CIB1: variants seen among roughly 807,000 people sequenced by gnomAD.
CIB1 encodes calcium and integrin binding 1.
CIB1 carries 19 observed loss-of-function variants against 25.0 expected under a neutral mutation model. That is an observed-to-expected ratio of 0.76 (90% CI 0.53 to 1.12). The LOEUF (loss-of-function observed/expected upper bound fraction) is 1.12. CIB1 is among the 50% of genes most tolerant of loss of function. The pLI, the probability that CIB1 is intolerant of heterozygous loss-of-function variation, is 0.00. For missense variants in CIB1, 236 were observed against 242.6 expected, an observed-to-expected ratio of 0.97 and a Z score of 0.18; for synonymous variants, 104 against 98.5, an observed-to-expected ratio of 1.06 and a Z score of -0.33.
the CIB1 span, chr15:90,263,901 A>G: frequency 1.5e-6 from 2 of 1,306,418 alleles, no homozygotes; most frequent in South Asian, 2.5e-5. Context: ...GGGCACTGCC[A>G]AGCATGAATG....
the CIB1 span, chr15:90,257,894 C>T: frequency 1.1e-6 from 1 of 938,252 alleles, no homozygotes; most frequent in Non-Finnish European, 1.6e-6. Flanking sequence ...CAAACCTCAC[C>T]CTGATAACTA....
At chr15:90,231,280 C>A in intron 4 of CIB1, 67 bp from the exon 5 acceptor site, 1 of 1,608,080 alleles carries the variant, frequency 6.2e-7, no homozygotes, top group Non-Finnish European at 8.5e-7. Context: ...CCAAACGGCG[C>A]CCATTTCCCA....
the CIB1 span, chr15:90,264,821 A>G: frequency 6.5e-7 from 1 of 1,536,138 alleles, no homozygotes; most frequent in Non-Finnish European, 8.7e-7. Flanking sequence ...GCAACCGGAA[A>G]GAGTGGCATC....
Position 90,232,538 on chromosome 15 carries a change from C to G in CIB1, c.87-211G>C, listed in dbSNP as rs534692208. The G allele has an allele frequency of 3.4e-4, 207 of 617,228 alleles. 1 individual carries two copies. The highest frequency in any genetic ancestry group is 6.9e-4 in the Admixed American group (17 of 24,680). The allele number at this position is 617,228 out of a possible 1,614,324, so 38.2% of individuals were successfully genotyped here. A position where few individuals can be genotyped will look rare whatever the true frequency, so the allele number is the denominator to read the frequency against. Reference sequence around the variant, plus strand: ...ATTCTTGCAATGAGTATTTACTGAGCATTTACTATGTGCTTGGCACTGATT... The same window carrying G: ...ATTCTTGCAATGAGTATTTACTGAGGATTTACTATGTGCTTGGCACTGATT... On this transcript the variant is annotated intron_variant, in intron 2 of 6. Coordinates refer to ENST00000328649, the MANE Select transcript of CIB1 (RefSeq NM_006384.4).
At chr15:90,247,742 C>CTT in the CIB1 span, among the ~76,000 whole-genome samples, 35 of 144,468 alleles carry the variant, frequency 2.4e-4, 2 homozygotes, top group East Asian at 2.4e-3. Context: ...TTTTTGTTTG[C>CTT]TTTTTTTTTT....
At chr15:90,245,349 T>G in the CIB1 span, 8 of 151,986 alleles carry the variant, frequency 5.3e-5, no homozygotes, top group Admixed American at 3.3e-4. Context: ...GGTGCACATC[T>G]ATAGTCCCAG....
chr15:90,262,340 T>C, the CIB1 span: 1 of 1,137,794 alleles, frequency 8.8e-7, no homozygotes, highest in Non-Finnish European at 1.2e-6. Context: ...TCTTTTCAGT[T>C]TAGTAGGTTT....
the CIB1 span, among the ~76,000 whole-genome samples, chr15:90,261,012 G>C: frequency 1.3e-5 from 2 of 151,924 alleles, no homozygotes; most frequent in African/African-American, 4.8e-5. Context: ...TAAGATTATG[G>C]AAGGCTTTAT....
chr15:90,241,158 C>G, the CIB1 span: 1 of 1,614,206 alleles, frequency 6.2e-7, no homozygotes, highest in East Asian at 2.2e-5. Flanking sequence ...ACGGGAGCTA[C>G]AGACCCAAAT....
chr15:90,240,137 C>G, the CIB1 span, among the ~76,000 whole-genome samples: 11 of 150,978 alleles, frequency 7.3e-5, no homozygotes, highest in African/African-American at 2.2e-4. Context: ...GCCAGAGAAT[C>G]GCTTGAACCT....
the CIB1 span, chr15:90,242,118 T>C: frequency 7.0e-7 from 1 of 1,438,100 alleles, no homozygotes; most frequent in African/African-American, 1.4e-5. Flanking sequence ...AGATAGGGTC[T>C]CACTCTGTCC....
upstream of CIB1, chr15:90,234,625 T>C (rs1962592788): frequency 6.6e-6 from 1 of 151,800 alleles, no homozygotes; most frequent in Non-Finnish European, 1.5e-5. Flanking sequence ...AAGATGGAAA[T>C]ACGTAAGTCC....
chr15:90,233,873 C>G lies in CIB1; in HGVS notation c.13G>C (p.Gly5Arg), dbSNP rs780799350. The G allele has an allele frequency of 6.7e-7, 1 of 1,487,834 alleles. No individual in the cohort carries two copies. Among genetic ancestry groups the G allele is most frequent in the Admixed American group, 2.4e-5 (1 of 41,886 alleles). The allele number at this position is 1,487,834 out of a possible 1,614,324, so 92.2% of individuals were successfully genotyped here. ...AGCAGCTCCTTGGACAGGCGACTGC[C>G]CGAGCCCCCCATCGCCCCGCCGCGC... MGGS[G>R]SRLSKELLAE... Residue 5 changes from glycine (G) to arginine (R), a missense_variant, in exon 1 of 7, where the codon GGC (glycine) becomes CGC (arginine). Physicochemically the swap from Gly to Arg is moderately radical, Grantham distance 125. Transcript: ENST00000328649.
the CIB1 span, chr15:90,262,772 G>A: frequency 8.0e-7 from 1 of 1,249,084 alleles, no homozygotes. Flanking sequence ...ATGCACAAGA[G>A]AGAGAGGAGT....
the CIB1 span, chr15:90,257,325 G>A: frequency 1.3e-6 from 2 of 1,580,416 alleles, no homozygotes; most frequent in South Asian, 1.2e-5. Context: ...TGCCAAAAGT[G>A]CTGAGGTTCT....
chr15:90,230,462 AG>A lies in CIB1; in HGVS notation c.*21del. The A allele has an allele frequency of 1.9e-6, 3 of 1,551,574 alleles. No individual in the cohort carries two copies. The South Asian group carries it at 3.6e-5, about 18-fold the overall frequency. ...TAGAAAGGTTCTTGGACAGGGTGCC[AG>A]GACACACGCTGGGGCTGCTGTCACA... is the stretch of plus-strand genomic sequence containing the variant. On this transcript the variant is annotated 3_prime_UTR_variant, in exon 7 of 7. Transcript: ENST00000328649.
chr15:90,241,763 T>G, the CIB1 span: 1 of 1,614,230 alleles, frequency 6.2e-7, no homozygotes, highest in Non-Finnish European at 8.5e-7. Flanking sequence ...ACCATGAGAT[T>G]GCTCATAACT....
Position 90,231,093 on chromosome 15 carries a change from A to G in CIB1, c.465+2T>C, listed in dbSNP as rs769355989. 1.9e-6 allele frequency: 3 copies of G among 1,614,070 alleles called. No individual in the cohort carries two copies. Among genetic ancestry groups the G allele is most frequent in the Admixed American group, 1.7e-5 (1 of 60,022 alleles). ...CGCTCCCAGGCCTGCTCAGCTGCTC[A>G]CGTTGTCGATGAGCTGCTTCATCTC... On this transcript the variant is annotated splice_donor_variant, in intron 5 of 6. Transcript: ENST00000328649. LOFTEE classifies it high-confidence loss of function.
chr15:90,247,495 G>A, the CIB1 span, among the ~76,000 whole-genome samples: 1 of 150,928 alleles, frequency 6.6e-6, no homozygotes, highest in Non-Finnish European at 1.5e-5. Flanking sequence ...CTGTGAATCG[G>A]GCAGCCCATT....
Sources: allele counts gnomAD v4.1 joint callset (sites outside exome capture counted in the v4.1 genomes callset), GRCh38; gene constraint gnomAD v4.1.1; transcripts MANE v1.5; gene names NCBI Gene and HGNC (gene_info 2026-07-23, HGNC 2026-07-21).